SNTB2: variants seen among roughly 807,000 people sequenced by gnomAD.
The protein encoded by SNTB2 is syntrophin beta 2.
SNTB2 carries 34 observed loss-of-function variants against 46.2 expected under a neutral mutation model. The ratio of observed to expected loss-of-function variants is 0.74; its 90% CI spans 0.56 to 0.98. The LOEUF (loss-of-function observed/expected upper bound fraction) is 0.98, where lower values mean the gene tolerates loss of function less well. SNTB2 is among the 50% of genes least tolerant of loss of function. The probability of loss-of-function intolerance (pLI) is 0.00; values close to 1 mark genes in which losing one functional copy is unlikely to be tolerated. For missense variants in SNTB2, 603 were observed against 731.4 expected, an observed-to-expected ratio of 0.82 and a Z score of 2.02; for synonymous variants, 290 against 312.6, an observed-to-expected ratio of 0.93 and a Z score of 0.76.
Position 69,303,642 on chromosome 16 carries a change from G to A in SNTB2, c.*2718G>A, listed in dbSNP as rs1380527246. 1 of 152,588 alleles carries A rather than the reference G, an allele frequency of 6.6e-6. No individual in the cohort carries two copies. The highest frequency in any genetic ancestry group is 6.6e-5 in the Admixed American group (1 of 15,266). 9.5% of individuals were successfully genotyped at this position (152,588 alleles called of 1,614,324 possible). On this transcript the variant is annotated 3_prime_UTR_variant, in exon 7 of 7. Coordinates refer to ENST00000336278, the MANE Select transcript of SNTB2 (RefSeq NM_006750.4). ...CCCCAAGAACCAGAACCCTTTTGCT[G>A]CTTTTCTTACATACCTAACAGCTCT...
intron 3 of SNTB2, among the ~76,000 whole-genome samples, chr16:69,266,550 CTT>C (rs1281622029): frequency 6.6e-6 from 1 of 152,090 alleles, no homozygotes; most frequent in African/African-American, 2.4e-5. Flanking sequence ...ACAAAGGTCT[CTT>C]TCTTGAAATT....
At chr16:69,299,309 A>T (rs569405968) in intron 5 of SNTB2, among the ~76,000 whole-genome samples, 7 of 151,850 alleles carry the variant, frequency 4.6e-5, no homozygotes, top group Admixed American at 1.3e-4. Flanking sequence ...CACCCAGCTA[A>T]TTTTTATATT....
rs1008511413 is a variant in SNTB2, at chr16:69,307,291, G to A, written c.*6367G>A. ...ATCTGGATCTGGCAAACTGGAAAATGTTTGAAGGGATACTCAGGCTTTGAT... is the reference window on the plus strand; with the variant it reads ...ATCTGGATCTGGCAAACTGGAAAATATTTGAAGGGATACTCAGGCTTTGAT... On this transcript the variant is annotated 3_prime_UTR_variant, in exon 7 of 7. Transcript: ENST00000336278. 1 of 152,200 alleles carries A rather than the reference G, an allele frequency of 6.6e-6. No homozygotes were observed. Among genetic ancestry groups the A allele is most frequent in the African/African-American group, 2.4e-5 (1 of 41,452 alleles). 9.4% of individuals were successfully genotyped at this position (152,200 alleles called of 1,614,324 possible).
rs140596536 is a variant in SNTB2, at chr16:69,249,533, G to A, written c.794+3718G>A. Among the ~76,000 whole-genome samples, 28 of 152,274 alleles carry A rather than the reference G, an allele frequency of 1.8e-4. No individual in the cohort carries two copies. In the East Asian group the frequency reaches 4.2e-3, roughly 23 times the overall value. ...AAGGATTGAAGTCCAGTTAACCTTG[G>A]TCTTTGTTAAAACTTGGGGGCTGAA... On this transcript the variant is annotated intron_variant, in intron 2 of 6. Transcript: ENST00000336278.
At chr16:69,224,358 C>T (rs1264010884) in intron 1 of SNTB2, among the ~76,000 whole-genome samples, 2 of 151,604 alleles carry the variant, frequency 1.3e-5, no homozygotes, top group Non-Finnish European at 2.9e-5. Context: ...ATTACAGGCT[C>T]GCGCCACCAC....
At chr16:69,256,386 T>A (rs75434018) in intron 2 of SNTB2, among the ~76,000 whole-genome samples, 7,615 of 152,156 alleles carry the variant, frequency 0.05, 262 homozygotes, top group Non-Finnish European at 0.071. Context: ...AGTGTACAGG[T>A]CAGAAGTGTT....
chr16:69,248,480 A>G (rs2143050780), intron 2 of SNTB2, among the ~76,000 whole-genome samples: 1 of 152,238 alleles, frequency 6.6e-6, no homozygotes, highest in Non-Finnish European at 1.5e-5. Flanking sequence ...CTAAAAATAC[A>G]AAACAGCCAG....
In SNTB2 at chr16:69,260,092, C is replaced by T; in HGVS notation, c.837C>T (p.Ile279=). 6.2e-7 allele frequency: 1 copy of T among 1,613,718 alleles called. No homozygotes were observed. The highest frequency in any genetic ancestry group is 8.5e-7 in the Non-Finnish European group (1 of 1,179,962). ...LHSPDSRNTL[I]LRCKDTATAH... is the part of the protein sequence containing the mutation. ...CTCCTGATAGCAGGAACACGTTGAT[C>T]CTACGCTGCAAAGATACAGCCACAG... Residue 279 remains isoleucine (I), a synonymous_variant, in exon 3 of 7, where the codon ATC becomes ATT. Coordinates refer to ENST00000336278, the MANE Select transcript of SNTB2 (RefSeq NM_006750.4).
chr16:69,213,421 C>A (rs902972235), intron 1 of SNTB2, among the ~76,000 whole-genome samples: 5 of 152,082 alleles, frequency 3.3e-5, no homozygotes, highest in South Asian at 2.1e-4. Flanking sequence ...GAATTTCACA[C>A]CCACTTTTCT....
chr16:69,209,193 G>A (rs1964254645), intron 1 of SNTB2, among the ~76,000 whole-genome samples: 1 of 152,020 alleles, frequency 6.6e-6, no homozygotes, highest in African/African-American at 2.4e-5. Context: ...GGATGGTCTC[G>A]ATCTCCTGAC....
intron 1 of SNTB2, among the ~76,000 whole-genome samples, chr16:69,196,747 G>A (rs1009075801): frequency 2.6e-4 from 39 of 152,210 alleles, no homozygotes; most frequent in African/African-American, 9.4e-4. Context: ...ATTGAGTCCT[G>A]GAAGATTAAA....
At position 69,260,538 on chromosome 16, in the gene SNTB2, G is replaced by A. The variant is rs1249372782; in HGVS notation, c.1005+278G>A. ...ATTACCATCTCTGTCCTTAATGACA[G>A]AGGATAATTTTCATGATTTTAGATC... is the stretch of plus-strand genomic sequence containing the variant. On this transcript the variant is annotated intron_variant, in intron 3 of 6. Coordinates refer to ENST00000336278, the MANE Select transcript of SNTB2 (RefSeq NM_006750.4). Among the ~76,000 whole-genome samples the A allele has an allele frequency of 2.6e-5, 4 of 152,252 alleles. No individual in the cohort carries two copies. In the East Asian group the frequency reaches 7.7e-4, roughly 29 times the overall value.
At chr16:69,264,973 G>A (rs1964870567) in intron 3 of SNTB2, among the ~76,000 whole-genome samples, 1 of 152,196 alleles carries the variant, frequency 6.6e-6, no homozygotes, top group Non-Finnish European at 1.5e-5. Context: ...CTATTGGCCG[G>A]GCACGGTGGC....
chr16:69,190,801 A>G (rs1040093769), intron 1 of SNTB2, among the ~76,000 whole-genome samples: 1 of 152,190 alleles, frequency 6.6e-6, no homozygotes, highest in African/African-American at 2.4e-5. Context: ...CCCCTAGGCA[A>G]GTTACTTAAT....
chr16:69,235,232 G>A (rs1361317445), intron 1 of SNTB2, among the ~76,000 whole-genome samples: 1 of 151,370 alleles, frequency 6.6e-6, no homozygotes, highest in African/African-American at 2.4e-5. Flanking sequence ...CACCGTTCCC[G>A]GACTTCAACT....
At chr16:69,247,056 AT>A (rs1364008052) in intron 2 of SNTB2, among the ~76,000 whole-genome samples, 3,489 of 146,734 alleles carry the variant, frequency 0.024, 92 homozygotes, top group African/African-American at 0.063. Context: ...AATAAAAAAA[AT>A]ATATATATAT....
intron 1 of SNTB2, among the ~76,000 whole-genome samples, chr16:69,231,446 G>A (rs889717889): frequency 6.6e-6 from 1 of 152,090 alleles, no homozygotes; most frequent in African/African-American, 2.4e-5. Flanking sequence ...AAAATTAGCT[G>A]GGCATGGTGG....
At chr16:69,241,865 G>A (rs1450078188) in intron 1 of SNTB2, 1 of 149,220 alleles carries the variant, frequency 6.7e-6, no homozygotes, top group African/African-American at 2.5e-5. Flanking sequence ...GGAGGCGGAG[G>A]TTGCAGTGAG....
At chr16:69,200,422 A>G (rs1964150569) in intron 1 of SNTB2, among the ~76,000 whole-genome samples, 2 of 152,220 alleles carry the variant, frequency 1.3e-5, no homozygotes, top group African/African-American at 4.8e-5. Context: ...TGGAATACAC[A>G]TCAGATTACA....
Sources: gnomAD v4.1 joint callset for allele counts (sites outside exome capture counted in the v4.1 genomes callset) on GRCh38, gnomAD v4.1.1 for gene constraint, MANE v1.5 for transcripts, NCBI Gene and HGNC (gene_info 2026-07-23, HGNC 2026-07-21) for gene names.